The following PCDH11X variants were observed in gnomAD, a reference collection of about 807,000 sequenced individuals.
PCDH11X encodes the protein protocadherin 11 X-linked.
In PCDH11X, 18 loss-of-function variants were observed where a neutral mutation model predicts 53.3. That is an observed-to-expected ratio of 0.34 (90% CI 0.23 to 0.50). PCDH11X has a LOEUF of 0.50. Among genes scored for constraint, PCDH11X ranks in the 20% least tolerant of loss-of-function variants. The probability of loss-of-function intolerance (pLI) is 0.98; values close to 1 mark genes in which losing one functional copy is unlikely to be tolerated. For missense variants in PCDH11X, 570 were observed against 1,032.4 expected (o/e 0.55, Z 6.14); for synonymous variants, 279 against 393.3 (o/e 0.71, Z 3.44).
intron 10 of PCDH11X, among the ~76,000 whole-genome samples, chrX:92,613,486 T>C (rs1435555309): frequency 2.7e-5 from 3 of 109,531 alleles, no homozygotes; most frequent in Non-Finnish European, 5.7e-5. Context: ...TGGAGTTCGT[T>C]TGTATGTGAT....
At chrX:92,501,409 G>C (rs2073957160) in intron 10 of PCDH11X, among the ~76,000 whole-genome samples, 2 of 110,639 alleles carry the variant, frequency 1.8e-5, no homozygotes, top group South Asian at 7.7e-4. Flanking sequence ...CCAAAACCTG[G>C]CAGAGATACA....
At chrX:92,217,119 C>A (rs1362610137) in intron 7 of PCDH11X, among the ~76,000 whole-genome samples, 1 of 110,858 alleles carries the variant, frequency 9.0e-6, no homozygotes, top group Admixed American at 9.6e-5. Flanking sequence ...TAAAGACCAT[C>A]GAGGCTAGGA....
chrX:92,511,533 C>A (rs2074161510), intron 10 of PCDH11X, among the ~76,000 whole-genome samples: 1 of 111,600 alleles, frequency 9.0e-6, no homozygotes, highest in Non-Finnish European at 1.9e-5. Context: ...ACACTAAGTG[C>A]CATGCCTGTC....
chrX:91,792,520 C>T (rs1935588621), intron 1 of PCDH11X, among the ~76,000 whole-genome samples: 1 of 110,369 alleles, frequency 9.1e-6, no homozygotes, highest in South Asian at 3.9e-4. Flanking sequence ...GAAGGTTGAG[C>T]AATATTAGCC....
At chrX:91,857,381 CT>C (rs757695585) in intron 5 of PCDH11X, among the ~76,000 whole-genome samples, 3 of 111,458 alleles carry the variant, frequency 2.7e-5, no homozygotes, top group Non-Finnish European at 3.8e-5. Flanking sequence ...TTTTCTGCCC[CT>C]GGCCCCTCCC....
At chrX:91,813,271 C>T (rs1256042727) in intron 4 of PCDH11X, among the ~76,000 whole-genome samples, 1 of 110,429 alleles carries the variant, frequency 9.1e-6, no homozygotes, top group Non-Finnish European at 1.9e-5. Flanking sequence ...TGCTCTAAGA[C>T]TTTTTCTTGC....
chrX:92,559,140 A>T (rs1051460468), intron 10 of PCDH11X, among the ~76,000 whole-genome samples: 1 of 111,176 alleles, frequency 9.0e-6, no homozygotes, highest in Non-Finnish European at 1.9e-5. Context: ...ATTAACTCAA[A>T]GGCTTTTGTA....
intron 7 of PCDH11X, among the ~76,000 whole-genome samples, chrX:92,230,931 C>G (rs1713573194): frequency 9.0e-6 from 1 of 110,783 alleles, no homozygotes; most frequent in South Asian, 3.8e-4. Context: ...ACATTAGTCA[C>G]TGTTTCAGGG....
intron 9 of PCDH11X, among the ~76,000 whole-genome samples, chrX:92,444,473 C>T (rs192763302): frequency 9.7e-6 from 1 of 103,252 alleles, no homozygotes; most frequent in Non-Finnish European, 2.0e-5. Context: ...ATTTTGTCAA[C>T]CACAAACAGT....
intron 8 of PCDH11X, among the ~76,000 whole-genome samples, chrX:92,289,034 AT>A (rs1449051871): frequency 6.3e-5 from 7 of 111,729 alleles, no homozygotes; most frequent in Middle Eastern, 4.6e-3. Context: ...GACTATGAGT[AT>A]TTTGTATTTT....
chrX:92,386,640 T>C (rs757642913), intron 8 of PCDH11X, among the ~76,000 whole-genome samples: 1 of 110,516 alleles, frequency 9.0e-6, no homozygotes, highest in Admixed American at 9.8e-5. Context: ...CCAGCTGGAA[T>C]GTTCATAATG....
intron 10 of PCDH11X, among the ~76,000 whole-genome samples, chrX:92,536,127 C>A (rs2074653788): frequency 9.2e-6 from 1 of 108,870 alleles, no homozygotes; most frequent in African/African-American, 3.4e-5. Context: ...GTCTGAACGT[C>A]TTATTTTTGA....
At chrX:92,479,171 T>A (rs968170167) in intron 10 of PCDH11X, among the ~76,000 whole-genome samples, 4 of 110,960 alleles carry the variant, frequency 3.6e-5, no homozygotes, top group Non-Finnish European at 7.6e-5. Flanking sequence ...TTTCTGAAAT[T>A]AGGATTGAAA....
chrX:92,465,313 A>G (rs1011030059), intron 9 of PCDH11X, among the ~76,000 whole-genome samples: 1 of 111,864 alleles, frequency 8.9e-6, no homozygotes, highest in Non-Finnish European at 1.9e-5. Context: ...TACATGCAAT[A>G]TTATATTTCA....
intron 6 of PCDH11X, among the ~76,000 whole-genome samples, chrX:92,007,647 G>A (rs1261299688): frequency 9.0e-6 from 1 of 111,510 alleles, no homozygotes; most frequent in Non-Finnish European, 1.9e-5. Context: ...CACAGCTTTT[G>A]GTTGTGCTGG....
chrX:92,568,637 C>T (rs1275501365), intron 10 of PCDH11X, among the ~76,000 whole-genome samples: 1 of 109,580 alleles, frequency 9.1e-6, no homozygotes, highest in African/African-American at 3.3e-5. Context: ...TAAAACTGTT[C>T]GAAGGCTATA....
chrX:91,909,060 G>A (rs1941287229), intron 6 of PCDH11X, among the ~76,000 whole-genome samples: 2 of 111,108 alleles, frequency 1.8e-5, no homozygotes. Flanking sequence ...TACAAAACAT[G>A]CAAGATAAAA....
At chrX:91,894,713 AT>A (rs1170655735) in intron 6 of PCDH11X, among the ~76,000 whole-genome samples, 6 of 110,703 alleles carry the variant, frequency 5.4e-5, no homozygotes, top group Non-Finnish European at 1.1e-4. Flanking sequence ...TTCATGGTCC[AT>A]TTTTTTTGTT....
chrX:92,358,524 A>ATTTT (rs201298833), intron 8 of PCDH11X, among the ~76,000 whole-genome samples: 1 of 73,303 alleles, frequency 1.4e-5, no homozygotes, highest in Admixed American at 1.9e-4. Flanking sequence ...AAGTTTTTTG[A>ATTTT]TTTTTTTTTT....
Sources: allele counts gnomAD v4.1 joint callset (sites outside exome capture counted in the v4.1 genomes callset), GRCh38; gene constraint gnomAD v4.1.1; transcripts MANE v1.5; gene names NCBI Gene and HGNC (gene_info 2026-07-23, HGNC 2026-07-21).